CCDC174: variants seen among roughly 807,000 people sequenced by gnomAD.
CCDC174 encodes the protein coiled-coil domain containing 174.
In CCDC174, 37 loss-of-function variants were observed where a neutral mutation model predicts 57.1. The observed-to-expected ratio is 0.65, with a 90% CI of 0.50 to 0.85. CCDC174 has a LOEUF of 0.85. Ranked by LOEUF, CCDC174 falls within the 40% of genes least tolerant of loss-of-function variation. The pLI is 0.00. For synonymous variants in CCDC174, 182 were observed against 190.2 expected (o/e 0.96, Z 0.35); for missense variants, 540 against 574.3 (o/e 0.94, Z 0.61).
rs114936327 is a variant in CCDC174, at chr3:14,669,471, G to A, written c.953-463G>A. 3.4e-3 allele frequency among the ~76,000 whole-genome samples: 513 copies of A among 152,234 alleles called. 2 individuals carry two copies. The highest frequency in any genetic ancestry group is 0.012 in the African/African-American group (490 of 41,554). ...CATTTTTCTTTTACATTTTAAAAAT[G>A]TGACCAAAATTGAACAGCCTACACC... On this transcript the variant is annotated intron_variant, in intron 9 of 10. Coordinates refer to ENST00000383794, the MANE Select transcript of CCDC174 (RefSeq NM_016474.5).
chr3:14,668,184 A>G lies in CCDC174; in HGVS notation c.952+3A>G, dbSNP rs2031403598. On this transcript the variant is annotated splice_donor_region_variant and intron_variant, in intron 9 of 10. Transcript: ENST00000383794. ...TGGAACAGAAGAAGAAAATAGAGGT[A>G]TATCATGGCTATGTTGCTGAACTTC... 6.2e-7 allele frequency: 1 copy of G among 1,600,902 alleles called. No homozygotes were observed. The highest frequency in any genetic ancestry group is 8.5e-7 in the Non-Finnish European group (1 of 1,175,782).
In CCDC174 at chr3:14,665,047, T is replaced by C. The variant is rs1283759427; in HGVS notation, c.505T>C (p.Leu169=). 6.2e-7 allele frequency: 1 copy of C among 1,614,048 alleles called. No individual in the cohort carries two copies. Among genetic ancestry groups the C allele is most frequent in the South Asian group, 1.1e-5 (1 of 91,070 alleles). Residue 169 remains leucine, a synonymous_variant, in exon 6 of 11, where the codon TTG becomes CTG. Coordinates refer to ENST00000383794, the MANE Select transcript of CCDC174 (RefSeq NM_016474.5). ...TTTCAGGGTGGATTACGTGGACTCT[T>C]TGGGGCGTTCCCGGCGCTGTATGAG... ...SEEWVDYVDS[L]GRSRRCMRKD...
rs2031381939 is a variant in CCDC174 at position 14,667,523 on chromosome 3, A to G, written c.819+5A>G. 2 of 1,607,988 alleles carry G rather than the reference A, an allele frequency of 1.2e-6. No individual in the cohort carries two copies. The highest frequency in any genetic ancestry group is 1.7e-5 in the Admixed American group (1 of 59,986). On this transcript the variant is annotated splice_donor_5th_base_variant and intron_variant, in intron 8 of 10. Transcript: ENST00000383794. ...TTAGAGATGCTGCGTGAACAGGTAC[A>G]GATAAATCCCAAGTGACTGTGAGGA...
At chr3:14,666,015 G>A (rs1163590002) in intron 6 of CCDC174, among the ~76,000 whole-genome samples, 1 of 137,546 alleles carries the variant, frequency 7.3e-6, no homozygotes, top group Non-Finnish European at 1.5e-5. Context: ...TCCAGTCTGG[G>A]CTACAGAGCG....
intron 5 of CCDC174, among the ~76,000 whole-genome samples, chr3:14,663,383 T>G (rs1226361261): frequency 6.6e-6 from 1 of 152,194 alleles, no homozygotes; most frequent in African/African-American, 2.4e-5. Flanking sequence ...GCTCTTCGGG[T>G]ATTACCTTTT....
intron 6 of CCDC174, among the ~76,000 whole-genome samples, chr3:14,665,639 T>C (rs899787342): frequency 6.6e-6 from 1 of 152,152 alleles, no homozygotes; most frequent in Non-Finnish European, 1.5e-5. Context: ...CCTCTTACCA[T>C]AGGAACTTTT....
At chr3:14,661,139 A>G (rs2031120375) in intron 4 of CCDC174, among the ~76,000 whole-genome samples, 1 of 152,250 alleles carries the variant, frequency 6.6e-6, no homozygotes, top group African/African-American at 2.4e-5. Flanking sequence ...GGTGAGACAG[A>G]TATATAACGC....
At chr3:14,660,092 G>T (rs1329470129) in intron 4 of CCDC174, among the ~76,000 whole-genome samples, 1 of 152,204 alleles carries the variant, frequency 6.6e-6, no homozygotes, top group Non-Finnish European at 1.5e-5. Flanking sequence ...TGTGGGAGAG[G>T]TTTTGCCTTC....
chr3:14,668,293 A>G, intron 9 of CCDC174, 112 bp downstream of exon 9: 1 of 1,067,736 alleles, frequency 9.4e-7, no homozygotes, highest in South Asian at 1.6e-5. Context: ...ATATTTAAGC[A>G]AACAGTATAC....
intron 5 of CCDC174, 130 bp downstream of exon 5, chr3:14,661,837 T>A: frequency 1.3e-6 from 1 of 749,282 alleles, no homozygotes; most frequent in Non-Finnish European, 2.1e-6. Flanking sequence ...GAGACTTCCC[T>A]TTAAGTTAGG....
chr3:14,670,620 A>G (rs1269930880), intron 10 of CCDC174, among the ~76,000 whole-genome samples: 3 of 152,220 alleles, frequency 2.0e-5, no homozygotes, highest in Non-Finnish European at 2.9e-5. Flanking sequence ...GGTATGAAAT[A>G]CCTACAATGT....
At chr3:14,664,461 C>G (rs538637716) in intron 5 of CCDC174, among the ~76,000 whole-genome samples, 1 of 152,304 alleles carries the variant, frequency 6.6e-6, no homozygotes, top group African/African-American at 2.4e-5. Context: ...TGACCACTGT[C>G]TAGTTTGAGC....
In CCDC174 at chr3:14,672,012, G is replaced by A. The variant is rs553328854; in HGVS notation, c.*818G>A. On this transcript the variant is annotated 3_prime_UTR_variant, in exon 11 of 11. Coordinates refer to ENST00000383794, the MANE Select transcript of CCDC174 (RefSeq NM_016474.5). ...TTGGGGCTGCACAGTGGAGCAGGTGGGTTCCCGTGTCATTAGTAATAAGGA... is the reference window on the plus strand; with the variant it reads ...TTGGGGCTGCACAGTGGAGCAGGTGAGTTCCCGTGTCATTAGTAATAAGGA... The A allele has an allele frequency of 6.6e-6, 1 of 151,578 alleles. No individual in the cohort carries two copies. Among genetic ancestry groups the A allele is most frequent in the South Asian group, 2.1e-4 (1 of 4,798 alleles). 9.4% of individuals were successfully genotyped at this position (151,578 alleles called of 1,614,324 possible).
chr3:14,651,804 G>T lies in CCDC174; in HGVS notation c.-33G>T, dbSNP rs1276752226. 1 of 1,613,078 alleles carries T rather than the reference G, an allele frequency of 6.2e-7. No homozygotes were observed. Among genetic ancestry groups the T allele is most frequent in the East Asian group, 2.2e-5 (1 of 44,886 alleles). On this transcript the variant is annotated 5_prime_UTR_variant, in exon 1 of 11. Coordinates refer to ENST00000383794, the MANE Select transcript of CCDC174 (RefSeq NM_016474.5). ...ACGAGGCCTGTGTCGGGTAGAAAGG[G>T]TCCTTCCTGGACCGGGACCCTCTGC... is the stretch of plus-strand genomic sequence containing the variant.
At chr3:14,659,479 G>A (rs537808350) in intron 4 of CCDC174, among the ~76,000 whole-genome samples, 10 of 152,244 alleles carry the variant, frequency 6.6e-5, no homozygotes, top group African/African-American at 2.4e-4. Flanking sequence ...CTGATGGCAG[G>A]AGTTTGAGAC....
chr3:14,651,781 G>C lies in CCDC174; in HGVS notation c.-56G>C. The stretch of plus-strand genomic sequence containing the variant: ...CCGGTTGCGACGGAGGTAGGCTTAC[G>C]AGGCCTGTGTCGGGTAGAAAGGGTC... On this transcript the variant is annotated 5_prime_UTR_variant, in exon 1 of 11. Coordinates refer to ENST00000383794, the MANE Select transcript of CCDC174 (RefSeq NM_016474.5). 7 of 1,586,450 alleles carry C rather than the reference G, an allele frequency of 4.4e-6. No individual in the cohort carries two copies. The highest frequency in any genetic ancestry group is 6.1e-6 in the Non-Finnish European group (7 of 1,155,126).
chr3:14,661,946 T>C, intron 5 of CCDC174: 1 of 423,948 alleles, frequency 2.4e-6, no homozygotes, highest in East Asian at 4.2e-5. Flanking sequence ...CTGACTGGGC[T>C]TCTGCTGTGT....
At chr3:14,654,387 G>A (rs1300308857) in intron 1 of CCDC174, 39 bp from the exon 2 acceptor site, 1 of 1,061,990 alleles carries the variant, frequency 9.4e-7, no homozygotes, top group African/African-American at 1.6e-5. Context: ...TCACCTGCAG[G>A]AATTTAATAT....
intron 7 of CCDC174, 113 bp from the exon 8 acceptor site, chr3:14,667,309 TAA>T: frequency 2.4e-6 from 2 of 840,054 alleles, no homozygotes; most frequent in Non-Finnish European, 3.9e-6. Context: ...TTTTTCTTTT[TAA>T]AACTTGTGCC....
Sources: allele counts gnomAD v4.1 joint callset (sites outside exome capture counted in the v4.1 genomes callset), GRCh38; gene constraint gnomAD v4.1.1; transcripts MANE v1.5; gene names NCBI Gene and HGNC (gene_info 2026-07-23, HGNC 2026-07-21).